Variants in RUNX1 observed in about 807,000 individuals in gnomAD.
The protein encoded by RUNX1 is runt-related transcription factor 1.
A neutral mutation model predicts 42.8 loss-of-function variants in RUNX1; 19 were observed. The observed-to-expected ratio is 0.44, with a 90% CI of 0.31 to 0.65. The LOEUF (loss-of-function observed/expected upper bound fraction) is 0.65. Ranked by LOEUF, RUNX1 falls within the 30% of genes least tolerant of loss-of-function variation. The pLI, the probability that RUNX1 is intolerant of heterozygous loss-of-function variation, is 0.07. For missense variants in RUNX1, 528 were observed against 672.0 expected (o/e 0.79, Z 2.37); for synonymous variants, 271 against 289.4 (o/e 0.94, Z 0.64).
At chr21:34,909,730 G>A (rs368787702) in intron 2 of RUNX1, among the ~76,000 whole-genome samples, 2 of 152,066 alleles carry the variant, frequency 1.3e-5, no homozygotes, top group African/African-American at 4.8e-5. Flanking sequence ...CATGAGAGAT[G>A]AGCTTGTTTC....
intron 2 of RUNX1, among the ~76,000 whole-genome samples, chr21:35,047,549 A>ACTCT (rs1262198638): frequency 0.011 from 1,123 of 106,808 alleles, 9 homozygotes; most frequent in Non-Finnish European, 0.015. Flanking sequence ...ACACACACAC[A>ACTCT]CACACACACA....
chr21:35,026,549 T>A (rs1195378844), intron 2 of RUNX1, among the ~76,000 whole-genome samples: 1 of 152,232 alleles, frequency 6.6e-6, no homozygotes, highest in East Asian at 1.9e-4. Flanking sequence ...TTTATTTATT[T>A]TAACCAGGTC....
At chr21:34,885,285 T>C (rs772467427) in intron 4 of RUNX1, among the ~76,000 whole-genome samples, 6 of 152,152 alleles carry the variant, frequency 3.9e-5, no homozygotes, top group Non-Finnish European at 8.8e-5. Context: ...AGTGACCCCA[T>C]GGCCCAACCC....
intron 3 of RUNX1, chr21:34,889,771 C>T (rs2146437419): frequency 3.5e-6 from 4 of 1,149,988 alleles, no homozygotes; most frequent in Non-Finnish European, 4.3e-6. Context: ...GCCCCCGGTC[C>T]GGCGTGCGCT....
chr21:34,962,636 T>G (rs1211664562), intron 2 of RUNX1, among the ~76,000 whole-genome samples: 1 of 152,238 alleles, frequency 6.6e-6, no homozygotes, highest in Non-Finnish European at 1.5e-5. Flanking sequence ...GGTGAAAAAG[T>G]TAAGCCAAAA....
intron 8 of RUNX1, chr21:34,798,163 A>T (rs1358882027): frequency 2.2e-6 from 1 of 456,242 alleles, no homozygotes; most frequent in Non-Finnish European, 4.4e-6. Context: ...CCTGCCCCCT[A>T]ATCTGCTATA....
At chr21:34,905,720 A>C (rs749165092) in intron 2 of RUNX1, among the ~76,000 whole-genome samples, 3 of 152,236 alleles carry the variant, frequency 2.0e-5, no homozygotes, top group Non-Finnish European at 4.4e-5. Context: ...TCAGTTACAG[A>C]GAATGGATAC....
chr21:34,893,769 T>TG (rs1282778042), intron 2 of RUNX1, among the ~76,000 whole-genome samples: 4 of 128,090 alleles, frequency 3.1e-5, no homozygotes, highest in African/African-American at 1.4e-4. Flanking sequence ...TTTAGTATGC[T>TG]GTTTTTTTTT....
At chr21:34,965,465 C>CA (rs1329821227) in intron 2 of RUNX1, among the ~76,000 whole-genome samples, 1 of 148,574 alleles carries the variant, frequency 6.7e-6, no homozygotes, top group East Asian at 2.0e-4. Context: ...TTTAGGGAGA[C>CA]AAAGCATTAA....
At chr21:34,937,320 CAAA>C (rs35504628) in intron 2 of RUNX1, among the ~76,000 whole-genome samples, 3 of 122,204 alleles carry the variant, frequency 2.5e-5, no homozygotes, top group African/African-American at 3.1e-5. Flanking sequence ...GGCCATCAGC[CAAA>C]AAAAAAAAAA....
At chr21:34,905,915 T>A (rs1381851726) in intron 2 of RUNX1, among the ~76,000 whole-genome samples, 1 of 152,170 alleles carries the variant, frequency 6.6e-6, no homozygotes, top group Non-Finnish European at 1.5e-5. Context: ...TACTGATCTT[T>A]AAAAATTTTA....
intron 2 of RUNX1, among the ~76,000 whole-genome samples, chr21:34,897,674 T>C (rs966645812): frequency 6.6e-6 from 1 of 152,204 alleles, no homozygotes; most frequent in African/African-American, 2.4e-5. Context: ...TTCCTTAGTG[T>C]AAAACTCTTG....
At chr21:34,810,046 C>T (rs1196898166) in intron 7 of RUNX1, among the ~76,000 whole-genome samples, 1 of 152,216 alleles carries the variant, frequency 6.6e-6, no homozygotes, top group Non-Finnish European at 1.5e-5. Flanking sequence ...TCTCTGTGCC[C>T]AAGTGCTGTC....
chr21:34,964,719 C>T (rs571934485), intron 2 of RUNX1, among the ~76,000 whole-genome samples: 140 of 152,258 alleles, frequency 9.2e-4, no homozygotes, highest in Non-Finnish European at 1.0e-3. Flanking sequence ...GTTTCTGATC[C>T]AGTGTCTGCC....
intron 7 of RUNX1, among the ~76,000 whole-genome samples, chr21:34,804,368 C>A (rs906464511): frequency 6.6e-6 from 1 of 152,048 alleles, no homozygotes; most frequent in Non-Finnish European, 1.5e-5. Context: ...AGGAGGAGTT[C>A]ATAGAGAAGC....
intron 5 of RUNX1, among the ~76,000 whole-genome samples, chr21:34,861,044 TG>T (rs2057567177): frequency 6.6e-6 from 1 of 152,210 alleles, no homozygotes; most frequent in African/African-American, 2.4e-5. Flanking sequence ...AGGATGCTTC[TG>T]GGGAGTGACT....
intron 5 of RUNX1, among the ~76,000 whole-genome samples, chr21:34,866,990 G>A (rs142026936): frequency 3.3e-5 from 5 of 152,316 alleles, no homozygotes; most frequent in African/African-American, 4.8e-5. Flanking sequence ...GGAGAAAACC[G>A]AAGACATGCA....
chr21:34,964,253 C>T (rs2058702167), intron 2 of RUNX1, among the ~76,000 whole-genome samples: 1 of 152,074 alleles, frequency 6.6e-6, no homozygotes, highest in South Asian at 2.1e-4. Context: ...CTATGGGAGG[C>T]CGAGGTGAGC....
At chr21:34,880,994 T>TAA in intron 4 of RUNX1, among the ~76,000 whole-genome samples, 2 of 152,354 alleles carry the variant, frequency 1.3e-5, no homozygotes, top group African/African-American at 4.8e-5. Context: ...ACATTATGTA[T>TAA]AACTATATGT....
Sources: gnomAD v4.1 joint callset for allele counts (sites outside exome capture counted in the v4.1 genomes callset) on GRCh38, gnomAD v4.1.1 for gene constraint, MANE v1.5 for transcripts, NCBI Gene and HGNC (gene_info 2026-07-23, HGNC 2026-07-21) for gene names.